CD247: variants seen among roughly 807,000 people sequenced by gnomAD.
CD247 encodes the protein T-cell surface glycoprotein CD3 zeta chain.
Under a neutral mutation model 30.0 loss-of-function variants are expected in CD247, and 13 were observed. The observed-to-expected ratio is 0.43, with a 90% CI of 0.28 to 0.69. The LOEUF (loss-of-function observed/expected upper bound fraction) is 0.69, where lower values mean the gene tolerates loss of function less well. Ranked by LOEUF, CD247 falls within the 30% of genes least tolerant of loss-of-function variation. The probability of loss-of-function intolerance (pLI) is 0.16; values close to 1 mark genes in which losing one functional copy is unlikely to be tolerated. For missense variants in CD247, 193 were observed against 212.6 expected (o/e 0.91, Z 0.57); for synonymous variants, 72 against 80.0 (o/e 0.90, Z 0.53).
At chr1:167,480,990 C>A (rs1004942148) in intron 1 of CD247, among the ~76,000 whole-genome samples, 1 of 152,162 alleles carries the variant, frequency 6.6e-6, no homozygotes, top group African/African-American at 2.4e-5. Flanking sequence ...AACCATTATC[C>A]ACTAAGAGGT....
In CD247 at chr1:167,494,455, G is replaced by A. The variant is rs1042516769; in HGVS notation, c.58+23953C>T. 2.0e-5 allele frequency among the ~76,000 whole-genome samples: 3 copies of A among 152,134 alleles called. No individual in the cohort carries two copies. The highest frequency in any genetic ancestry group is 2.9e-5 in the Non-Finnish European group (2 of 68,028). ...TGTGAGGAGGACCTCGGGAGAAATCGCATAGCTCCCTGGGCTGCAGTTTTC... is the reference window on the plus strand; with the variant it reads ...TGTGAGGAGGACCTCGGGAGAAATCACATAGCTCCCTGGGCTGCAGTTTTC... On this transcript the variant is annotated intron_variant, in intron 1 of 7. Transcript: ENST00000362089. The surrounding 1 kb of genome is among the most constrained non-coding windows in gnomAD (Gnocchi z 7.3).
At chr1:167,468,203 A>G (rs548793156) in intron 1 of CD247, among the ~76,000 whole-genome samples, 13 of 152,320 alleles carry the variant, frequency 8.5e-5, no homozygotes, top group African/African-American at 3.1e-4. Flanking sequence ...ATTGCCTCCA[A>G]ATTAATATAA....
intron 5 of CD247, chr1:167,434,651 C>T (rs942123512): frequency 3.3e-5 from 13 of 394,478 alleles, no homozygotes; most frequent in African/African-American, 1.2e-4. Context: ...AGGAGCCCCT[C>T]GAAGGGGCCA....
chr1:167,439,216 T>A (rs1032667595), intron 3 of CD247, 128 bp downstream of exon 3: 17 of 814,534 alleles, frequency 2.1e-5, no homozygotes, highest in Admixed American at 7.3e-5. Flanking sequence ...TTAAACAAGT[T>A]GCAGCCGGGT....
Position 167,439,464 on chromosome 1 carries a change from A to G in CD247, c.163-64T>C, listed in dbSNP as rs535575220. The G allele has an allele frequency of 2.1e-5, 32 of 1,508,098 alleles. No homozygotes were observed. The East Asian group carries it at 7.2e-4, about 34-fold the overall frequency. The allele number at this position is 1,508,098 out of a possible 1,614,324, so 93.4% of individuals were successfully genotyped here. A position where few individuals can be genotyped will look rare whatever the true frequency, so the allele number is the denominator to read the frequency against. ...GGGCGCGCAGGGGAGCCGGGGTGCC[A>G]GGGCGCGCGGCGACCCGAGGGACAG... On this transcript the variant is annotated intron_variant, in intron 2 of 7. Coordinates refer to ENST00000362089, the MANE Select transcript of CD247 (RefSeq NM_198053.3).
chr1:167,518,196 A>G (rs373843906), intron 1 of CD247, among the ~76,000 whole-genome samples: 5 of 152,222 alleles, frequency 3.3e-5, no homozygotes, highest in Non-Finnish European at 1.5e-5. Context: ...GTATTCTAGC[A>G]GCTGGCTCTG....
At chr1:167,506,251 C>A (rs1558032401) in intron 1 of CD247, among the ~76,000 whole-genome samples, 5 of 90,866 alleles carry the variant, frequency 5.5e-5, no homozygotes, top group Non-Finnish European at 1.0e-4. Flanking sequence ...TTTTCCTTTT[C>A]TTTTCTTTTC....
chr1:167,499,110 C>T (rs1243719395), intron 1 of CD247, among the ~76,000 whole-genome samples: 2 of 152,326 alleles, frequency 1.3e-5, no homozygotes, highest in East Asian at 3.9e-4. Context: ...ATGATGACTC[C>T]AATCCACTGG....
chr1:167,478,145 T>C (rs191063868), intron 1 of CD247, among the ~76,000 whole-genome samples: 18 of 152,322 alleles, frequency 1.2e-4, no homozygotes, highest in Non-Finnish European at 1.8e-4. Flanking sequence ...GGAGAAGCAC[T>C]GTGTTTACTG....
At chr1:167,492,098 C>T (rs1214339774) in intron 1 of CD247, among the ~76,000 whole-genome samples, 4 of 152,108 alleles carry the variant, frequency 2.6e-5, no homozygotes, top group Admixed American at 6.6e-5. Flanking sequence ...CTCAACTGTG[C>T]GCTTAAACAT....
At chr1:167,438,450 G>A (rs1041318289) in intron 4 of CD247, 120 bp downstream of exon 4, 10 of 822,400 alleles carry the variant, frequency 1.2e-5, no homozygotes, top group East Asian at 2.4e-5. Context: ...CTCTTGTCCT[G>A]GGCCCACACA....
intron 1 of CD247, among the ~76,000 whole-genome samples, chr1:167,454,920 C>A (rs747416862): frequency 3.3e-5 from 5 of 152,344 alleles, no homozygotes; most frequent in Admixed American, 2.0e-4. Context: ...CTGTTGAGGG[C>A]GCCTCCTCAG....
chr1:167,502,146 T>C (rs1200323497), intron 1 of CD247, among the ~76,000 whole-genome samples: 1 of 152,214 alleles, frequency 6.6e-6, no homozygotes, highest in African/African-American at 2.4e-5. Flanking sequence ...TGGAAGAGAA[T>C]GCCTCTGCAG....
At chr1:167,449,797 C>T (rs1207355531) in intron 1 of CD247, among the ~76,000 whole-genome samples, 3 of 151,990 alleles carry the variant, frequency 2.0e-5, no homozygotes, top group Non-Finnish European at 4.4e-5. Flanking sequence ...GTGGCACGTG[C>T]CTATAATCCC....
chr1:167,431,781 G>T, intron 7 of CD247, 35 bp from the exon 8 acceptor site: 1 of 1,596,164 alleles, frequency 6.3e-7, no homozygotes, highest in Non-Finnish European at 8.6e-7. Flanking sequence ...CAAAGAGTGG[G>T]TCAGTAGCCT....
At chr1:167,499,757 G>A (rs902810297) in intron 1 of CD247, among the ~76,000 whole-genome samples, 26 of 152,302 alleles carry the variant, frequency 1.7e-4, no homozygotes, top group Middle Eastern at 3.4e-3. Flanking sequence ...CAGAGGGAGA[G>A]CTTAGATTTG....
intron 1 of CD247, among the ~76,000 whole-genome samples, chr1:167,448,816 G>A (rs1475865604): frequency 6.6e-6 from 1 of 152,088 alleles, no homozygotes; most frequent in Admixed American, 6.5e-5. Context: ...AGTTGAGATA[G>A]CACCACTGCA....
intron 7 of CD247, among the ~76,000 whole-genome samples, chr1:167,432,502 GAGA>G (rs1194912374): frequency 6.6e-6 from 1 of 152,228 alleles, no homozygotes; most frequent in African/African-American, 2.4e-5. Context: ...TCATGTTTTA[GAGA>G]AGTAGTTTGA....
At chr1:167,435,582 T>A in intron 4 of CD247, 148 bp from the exon 5 acceptor site, 1 of 730,230 alleles carries the variant, frequency 1.4e-6, no homozygotes, top group Non-Finnish European at 2.5e-6. Flanking sequence ...CAGCCTTGCC[T>A]AGGCCACTGT....
Sources: allele counts gnomAD v4.1 joint callset (sites outside exome capture counted in the v4.1 genomes callset), GRCh38; gene constraint gnomAD v4.1.1; non-coding constraint Gnocchi (gnomAD v3.1); transcripts MANE v1.5; gene names NCBI Gene and HGNC (gene_info 2026-07-23, HGNC 2026-07-21).